IGF1R: variants seen among roughly 807,000 people sequenced by gnomAD.
IGF1R encodes insulin-like growth factor 1 receptor.
In IGF1R, 44 loss-of-function variants were observed where a neutral mutation model predicts 144.6. The observed-to-expected ratio is 0.30, with a 90% CI of 0.24 to 0.39. IGF1R has a LOEUF of 0.39. Ranked by LOEUF, IGF1R falls within the 10% of genes least tolerant of loss-of-function variation. IGF1R has a pLI of 1.00. For synonymous variants in IGF1R, 795 were observed against 722.8 expected, an observed-to-expected ratio of 1.10 and a Z score of -1.60; for missense variants, 1,355 against 1,833.7, an observed-to-expected ratio of 0.74 and a Z score of 4.77.
At position 98,961,840 on chromosome 15, in the gene IGF1R, G is replaced by T. The variant is rs757561045; in HGVS notation, c.*4398G>T. On this transcript the variant is annotated 3_prime_UTR_variant, in exon 21 of 21. Coordinates refer to ENST00000650285, the MANE Select transcript of IGF1R (RefSeq NM_000875.5). Reference sequence around the variant, plus strand: ...CCTTGGAAGATGGAAGACCGTGTTCGTGGCCGACCTGGCCTCTCCTGGCCT... The same window carrying T: ...CCTTGGAAGATGGAAGACCGTGTTCTTGGCCGACCTGGCCTCTCCTGGCCT... 7 of 233,196 alleles carry T rather than the reference G, an allele frequency of 3.0e-5. No individual in the cohort carries two copies. The highest frequency in any genetic ancestry group is 1.3e-4 in the African/African-American group (6 of 45,350). The allele number at this position is 233,196 out of a possible 1,614,324, so 14.4% of individuals were successfully genotyped here. A position where few individuals can be genotyped will look rare whatever the true frequency, so the allele number is the denominator to read the frequency against.
intron 2 of IGF1R, among the ~76,000 whole-genome samples, chr15:98,867,519 C>T (rs2012519832): frequency 6.6e-6 from 1 of 152,140 alleles, no homozygotes; most frequent in Admixed American, 6.6e-5. Flanking sequence ...GCCTTGCCAT[C>T]GTGTGGGCCT....
At chr15:98,693,459 G>C (rs2053526260) in intron 1 of IGF1R, among the ~76,000 whole-genome samples, 1 of 152,200 alleles carries the variant, frequency 6.6e-6, no homozygotes, top group African/African-American at 2.4e-5. Flanking sequence ...CCTGCCTCCT[G>C]CTGCAGAATG....
intron 2 of IGF1R, among the ~76,000 whole-genome samples, chr15:98,877,557 CT>C (rs2013125964): frequency 7.9e-6 from 1 of 126,532 alleles, no homozygotes; most frequent in Non-Finnish European, 1.5e-5. Flanking sequence ...AAAGAATGTG[CT>C]GTGGCCTCTA....
At chr15:98,735,344 C>T (rs916913643) in intron 2 of IGF1R, among the ~76,000 whole-genome samples, 2 of 152,220 alleles carry the variant, frequency 1.3e-5, no homozygotes, top group Admixed American at 6.5e-5. Flanking sequence ...GGGGGCTCCC[C>T]GTGACTCTGC....
intron 1 of IGF1R, among the ~76,000 whole-genome samples, chr15:98,691,805 C>T (rs535270721): frequency 2.6e-5 from 4 of 152,262 alleles, no homozygotes; most frequent in Admixed American, 1.3e-4. Flanking sequence ...GCAGTGTATG[C>T]GTGGGGACAT....
intron 2 of IGF1R, among the ~76,000 whole-genome samples, chr15:98,727,379 A>AT (rs896811325): frequency 3.3e-5 from 5 of 150,008 alleles, no homozygotes; most frequent in Admixed American, 6.6e-5. Flanking sequence ...GTAGGTTTAC[A>AT]TTTTTTTTTT....
chr15:98,902,595 T>G (rs62023616), intron 5 of IGF1R, among the ~76,000 whole-genome samples: 2,457 of 151,980 alleles, frequency 0.016, 31 homozygotes, highest in Non-Finnish European at 0.027. Flanking sequence ...TTTTTGCTTT[T>G]AGTAGAGACG....
chr15:98,691,198 A>C (rs2053466478), intron 1 of IGF1R, among the ~76,000 whole-genome samples: 1 of 152,152 alleles, frequency 6.6e-6, no homozygotes. Context: ...GATCCTGTGC[A>C]GAATAGCGCA....
At chr15:98,797,179 C>A (rs368724034) in intron 2 of IGF1R, among the ~76,000 whole-genome samples, 1 of 152,158 alleles carries the variant, frequency 6.6e-6, no homozygotes, top group Non-Finnish European at 1.5e-5. Context: ...AGCAGTCTTG[C>A]GGGGTGATTT....
intron 19 of IGF1R, among the ~76,000 whole-genome samples, chr15:98,948,161 G>A (rs1191000920): frequency 8.5e-5 from 13 of 152,196 alleles, no homozygotes; most frequent in Non-Finnish European, 1.8e-4. Flanking sequence ...CTAAGTCAAT[G>A]TCCAGGCTGG....
chr15:98,844,241 C>G (rs1419477832), intron 2 of IGF1R, among the ~76,000 whole-genome samples: 2 of 152,016 alleles, frequency 1.3e-5, no homozygotes, highest in Admixed American at 1.3e-4. Flanking sequence ...AAAGGAAATT[C>G]CAGAGAAAGA....
At chr15:98,819,760 TA>T (rs1356158202) in intron 2 of IGF1R, among the ~76,000 whole-genome samples, 3 of 152,196 alleles carry the variant, frequency 2.0e-5, no homozygotes, top group Non-Finnish European at 2.9e-5. Flanking sequence ...TAACAAAACT[TA>T]ATATGCGTTA....
intron 2 of IGF1R, among the ~76,000 whole-genome samples, chr15:98,736,561 C>T (rs2054612751): frequency 6.6e-6 from 1 of 151,314 alleles, no homozygotes; most frequent in South Asian, 2.1e-4. Flanking sequence ...AAAAGCTTTG[C>T]AAGGGGGCTG....
intron 8 of IGF1R, 76 bp from the exon 9 acceptor site, chr15:98,915,888 G>A (rs1206672315): frequency 3.2e-5 from 44 of 1,369,554 alleles, no homozygotes; most frequent in Non-Finnish European, 4.4e-5. Context: ...GTTTCCTGTT[G>A]GCTTGCCAGA....
chr15:98,774,087 A>G (rs2141377515), intron 2 of IGF1R, among the ~76,000 whole-genome samples: 1 of 152,342 alleles, frequency 6.6e-6, no homozygotes, highest in East Asian at 1.9e-4. Context: ...CTGAAGAACT[A>G]TGCTGTGGGT....
intron 2 of IGF1R, among the ~76,000 whole-genome samples, chr15:98,730,836 A>G (rs561530709): frequency 3.9e-5 from 6 of 152,094 alleles, no homozygotes; most frequent in African/African-American, 1.2e-4. Context: ...TTTTTTTTTC[A>G]TATTTTTCCT....
chr15:98,669,316 A>G (rs2052826185), intron 1 of IGF1R, among the ~76,000 whole-genome samples: 1 of 152,212 alleles, frequency 6.6e-6, no homozygotes, highest in South Asian at 2.1e-4. Context: ...TGAAGGGTAT[A>G]CAAACCCATG....
intron 2 of IGF1R, among the ~76,000 whole-genome samples, chr15:98,829,491 G>C (rs1021499081): frequency 6.6e-6 from 1 of 152,200 alleles, no homozygotes; most frequent in Non-Finnish European, 1.5e-5. Context: ...GAATGCATTT[G>C]CAAGCCAAAA....
intron 2 of IGF1R, among the ~76,000 whole-genome samples, chr15:98,720,772 A>T (rs142617188): frequency 6.6e-6 from 1 of 152,214 alleles, no homozygotes; most frequent in Non-Finnish European, 1.5e-5. Context: ...TGAATTATTC[A>T]TAAGTGCATA....
Sources: gnomAD v4.1 joint callset for allele counts (sites outside exome capture counted in the v4.1 genomes callset) on GRCh38, gnomAD v4.1.1 for gene constraint, MANE v1.5 for transcripts, NCBI Gene and HGNC (gene_info 2026-07-23, HGNC 2026-07-21) for gene names.